PLCB1: variants seen among roughly 807,000 people sequenced by gnomAD.
PLCB1 encodes 1-phosphatidylinositol 4,5-bisphosphate phosphodiesterase beta-1.
A neutral mutation model predicts 161.8 loss-of-function variants in PLCB1; 46 were observed. The ratio of observed to expected loss-of-function variants is 0.28; its 90% CI spans 0.22 to 0.36. PLCB1 has a LOEUF of 0.36. Ranked by LOEUF, PLCB1 falls within the 10% of genes least tolerant of loss-of-function variation. The pLI, the probability that PLCB1 is intolerant of heterozygous loss-of-function variation, is 1.00. For synonymous variants in PLCB1, 517 were observed against 503.7 expected (o/e 1.03, Z -0.35); for missense variants, 1,016 against 1,472.5 (o/e 0.69, Z 5.07).
intron 3 of PLCB1, among the ~76,000 whole-genome samples, chr20:8,589,341 G>A (rs1380234398): frequency 6.6e-6 from 1 of 152,180 alleles, no homozygotes; most frequent in African/African-American, 2.4e-5. Flanking sequence ...GACAGTCCTT[G>A]CCTTTGAAAA....
intron 3 of PLCB1, among the ~76,000 whole-genome samples, chr20:8,519,716 G>A (rs369246401): frequency 6.6e-6 from 1 of 152,088 alleles, no homozygotes; most frequent in African/African-American, 2.4e-5. Flanking sequence ...TTACTATGTA[G>A]TATTTATGTC....
intron 2 of PLCB1, among the ~76,000 whole-genome samples, chr20:8,336,586 G>T (rs1985590339): frequency 6.6e-6 from 1 of 152,116 alleles, no homozygotes; most frequent in African/African-American, 2.4e-5. Context: ...CTGGGCTGGG[G>T]TGTGAGATTT....
At chr20:8,532,220 A>G (rs1984842431) in intron 3 of PLCB1, among the ~76,000 whole-genome samples, 1 of 152,192 alleles carries the variant, frequency 6.6e-6, no homozygotes, top group Non-Finnish European at 1.5e-5. Context: ...TAAACTGGGA[A>G]CGTATTAGAT....
chr20:8,657,637 C>G (rs1176644651), intron 8 of PLCB1, among the ~76,000 whole-genome samples: 1 of 152,088 alleles, frequency 6.6e-6, no homozygotes, highest in African/African-American at 2.4e-5. Context: ...GTTATTTTAT[C>G]TCTCTGAGCC....
chr20:8,406,252 G>C (rs907396191), intron 3 of PLCB1, among the ~76,000 whole-genome samples: 3 of 152,188 alleles, frequency 2.0e-5, no homozygotes, highest in African/African-American at 4.8e-5. Context: ...AATGACCATA[G>C]TGATAAAAGC....
At chr20:8,281,635 T>C (rs1375798475) in intron 2 of PLCB1, among the ~76,000 whole-genome samples, 1 of 152,178 alleles carries the variant, frequency 6.6e-6, no homozygotes, top group Non-Finnish European at 1.5e-5. Context: ...AGAACTTGCA[T>C]GAAGATGTTT....
chr20:8,350,544 G>A (rs1986150050), intron 2 of PLCB1, among the ~76,000 whole-genome samples: 1 of 152,258 alleles, frequency 6.6e-6, no homozygotes, highest in East Asian at 1.9e-4. Context: ...TAGTGCTGCA[G>A]TGAATATAGG....
intron 3 of PLCB1, among the ~76,000 whole-genome samples, chr20:8,494,262 G>T (rs1005737605): frequency 3.9e-5 from 6 of 152,128 alleles, no homozygotes; most frequent in African/African-American, 1.4e-4. Context: ...TCCCGCTTTT[G>T]AAGTTTTTCA....
At chr20:8,413,229 A>G (rs1209603531) in intron 3 of PLCB1, among the ~76,000 whole-genome samples, 5 of 152,206 alleles carry the variant, frequency 3.3e-5, no homozygotes, top group African/African-American at 1.2e-4. Flanking sequence ...TTAAACTATA[A>G]ACAAGGAAGT....
chr20:8,224,701 C>G (rs1457828820), intron 2 of PLCB1, among the ~76,000 whole-genome samples: 1 of 152,030 alleles, frequency 6.6e-6, no homozygotes, highest in East Asian at 1.9e-4. Flanking sequence ...AACTGAACAA[C>G]CTCATAACCA....
chr20:8,664,077 T>A (rs1398517983), intron 9 of PLCB1, among the ~76,000 whole-genome samples: 1 of 152,110 alleles, frequency 6.6e-6, no homozygotes, highest in East Asian at 1.9e-4. Context: ...AAAGCAGTAA[T>A]TTTTTTCATG....
intron 31 of PLCB1, among the ~76,000 whole-genome samples, chr20:8,796,883 T>G (rs1329933856): frequency 6.6e-6 from 1 of 152,260 alleles, no homozygotes; most frequent in African/African-American, 2.4e-5. Flanking sequence ...TATTCACATA[T>G]TCTTTGTGAA....
intron 2 of PLCB1, among the ~76,000 whole-genome samples, chr20:8,269,724 A>C (rs1480832554): frequency 6.6e-6 from 1 of 152,214 alleles, no homozygotes; most frequent in Admixed American, 6.5e-5. Context: ...CTTTCGTTAC[A>C]ACAGCACAGT....
chr20:8,765,134 T>A lies in PLCB1; in HGVS notation c.2711-5T>A. 6.2e-7 allele frequency: 1 copy of A among 1,609,152 alleles called. No homozygotes were observed. The highest frequency in any genetic ancestry group is 8.5e-7 in the Non-Finnish European group (1 of 1,178,054). On this transcript the variant is annotated splice_region_variant and splice_polypyrimidine_tract_variant and intron_variant, in intron 25 of 31. Coordinates refer to ENST00000338037, the MANE Select transcript of PLCB1 (RefSeq NM_015192.4). ...TCCCTTAGCTTTCATATTCATTTGT[T>A]GCAGAAGTGGAAGCACAGACCATCG...
chr20:8,810,737 G>A (rs537496006), intron 31 of PLCB1, among the ~76,000 whole-genome samples: 33 of 152,294 alleles, frequency 2.2e-4, no homozygotes, highest in Middle Eastern at 3.4e-3. Flanking sequence ...GGCGAGTCAG[G>A]CAGATGACTT....
intron 3 of PLCB1, among the ~76,000 whole-genome samples, chr20:8,590,979 C>A (rs1339257816): frequency 2.0e-5 from 3 of 152,136 alleles, no homozygotes; most frequent in Non-Finnish European, 4.4e-5. Context: ...CCTCCCCCTC[C>A]CCGACCTTCC....
chr20:8,651,652 A>G (rs1989325987), intron 7 of PLCB1: 1 of 574,626 alleles, frequency 1.7e-6, no homozygotes, highest in Non-Finnish European at 3.1e-6. Flanking sequence ...GTGGTGAAGA[A>G]AATGAAACTC....
intron 2 of PLCB1, among the ~76,000 whole-genome samples, chr20:8,309,993 A>T (rs1182880716): frequency 6.6e-6 from 1 of 152,064 alleles, no homozygotes; most frequent in African/African-American, 2.4e-5. Flanking sequence ...AGTCTTAAAG[A>T]TAAAATTTCT....
At position 8,177,911 on chromosome 20, in the gene PLCB1, G is replaced by T. The variant is rs140097773; in HGVS notation, c.177+27540G>T. On this transcript the variant is annotated intron_variant, in intron 2 of 31. Coordinates refer to ENST00000338037, the MANE Select transcript of PLCB1 (RefSeq NM_015192.4). ...TTCTGGACAGAAATGTGTACTCAAT[G>T]TTTAGCTCCCACTTATACATGAGAA... Among the ~76,000 whole-genome samples, 387 of 152,152 alleles carry T rather than the reference G, an allele frequency of 2.5e-3. 4 individuals are homozygous for T. Among genetic ancestry groups the T allele is most frequent in the East Asian group, 0.025 (129 of 5,178 alleles).
Sources: gnomAD v4.1 joint callset for allele counts (sites outside exome capture counted in the v4.1 genomes callset) on GRCh38, gnomAD v4.1.1 for gene constraint, MANE v1.5 for transcripts, NCBI Gene and HGNC (gene_info 2026-07-23, HGNC 2026-07-21) for gene names.